LRRC4C: variants seen among roughly 807,000 people sequenced by gnomAD.
LRRC4C encodes leucine rich repeat containing 4C.
In LRRC4C, 5 loss-of-function variants were observed where a neutral mutation model predicts 33.6. The observed-to-expected ratio is 0.15, with a 90% CI of 0.08 to 0.31. The LOEUF is 0.31. Among genes scored for constraint, LRRC4C ranks in the 10% least tolerant of loss-of-function variants. The pLI is 1.00. For missense variants in LRRC4C, 560 were observed against 796.7 expected, an observed-to-expected ratio of 0.70 and a Z score of 3.58; for synonymous variants, 329 against 302.0, an observed-to-expected ratio of 1.09 and a Z score of -0.93.
intron 3 of LRRC4C, among the ~76,000 whole-genome samples, chr11:40,377,384 G>A (rs962035898): frequency 2.0e-5 from 3 of 152,120 alleles, no homozygotes; most frequent in Admixed American, 2.0e-4. Flanking sequence ...TTTCTGAGCT[G>A]TTGATTAATT....
chr11:41,391,264 C>G (rs1231632254), intron 1 of LRRC4C, among the ~76,000 whole-genome samples: 2 of 151,372 alleles, frequency 1.3e-5, no homozygotes, highest in Non-Finnish European at 2.9e-5. Flanking sequence ...ATACACAACT[C>G]AAGAAGAAAA....
At chr11:40,893,478 T>C (rs1261173028) in intron 2 of LRRC4C, among the ~76,000 whole-genome samples, 1 of 152,104 alleles carries the variant, frequency 6.6e-6, no homozygotes, top group Non-Finnish European at 1.5e-5. Context: ...TGTATCAAAA[T>C]ATCTCATGTA....
At chr11:40,170,374 C>G (rs770048141) in intron 5 of LRRC4C, among the ~76,000 whole-genome samples, 1 of 152,108 alleles carries the variant, frequency 6.6e-6, no homozygotes, top group Admixed American at 6.5e-5. Flanking sequence ...AGGGCTCACT[C>G]GGTGAAAACA....
chr11:41,209,274 A>T (rs553231931), intron 1 of LRRC4C, among the ~76,000 whole-genome samples: 1 of 150,872 alleles, frequency 6.6e-6, no homozygotes, highest in East Asian at 1.9e-4. Context: ...ATTTGTAAAG[A>T]TCAAATGAAA....
chr11:41,437,411 ACGCGCG>A (rs781578463), intron 1 of LRRC4C, among the ~76,000 whole-genome samples: 2 of 147,838 alleles, frequency 1.4e-5, no homozygotes, highest in African/African-American at 5.0e-5. Flanking sequence ...ACACACACAA[ACGCGCG>A]CGCGCGCGCA....
At chr11:40,675,290 G>T (rs947038185) in intron 2 of LRRC4C, among the ~76,000 whole-genome samples, 1 of 151,912 alleles carries the variant, frequency 6.6e-6, no homozygotes, top group Non-Finnish European at 1.5e-5. Flanking sequence ...CAAAAGAAAA[G>T]AATTTGAAAC....
intron 1 of LRRC4C, among the ~76,000 whole-genome samples, chr11:40,990,741 T>A (rs1453799030): frequency 1.3e-5 from 2 of 152,206 alleles, no homozygotes; most frequent in Non-Finnish European, 2.9e-5. Flanking sequence ...GCAGTCTCTG[T>A]ATTTCAAATA....
intron 6 of LRRC4C, among the ~76,000 whole-genome samples, chr11:40,117,977 A>G (rs914699836): frequency 2.0e-5 from 3 of 150,420 alleles, no homozygotes; most frequent in African/African-American, 7.3e-5. Flanking sequence ...TATGATAGAT[A>G]TGGTTATTAT....
At chr11:40,413,604 G>A (rs987567736) in intron 3 of LRRC4C, among the ~76,000 whole-genome samples, 2 of 152,014 alleles carry the variant, frequency 1.3e-5, no homozygotes, top group African/African-American at 4.8e-5. Flanking sequence ...AATTATGTGT[G>A]GAATATCAGC....
At chr11:41,200,511 A>T (rs570755763) in intron 1 of LRRC4C, among the ~76,000 whole-genome samples, 1 of 151,912 alleles carries the variant, frequency 6.6e-6, no homozygotes, top group South Asian at 2.1e-4. Flanking sequence ...TTTCTTTGGC[A>T]TCCTTTTTTT....
At chr11:40,311,148 G>A (rs1945284671) in intron 4 of LRRC4C, among the ~76,000 whole-genome samples, 1 of 152,070 alleles carries the variant, frequency 6.6e-6, no homozygotes, top group Non-Finnish European at 1.5e-5. Context: ...TGTGATCAAG[G>A]CGGAAGCCAC....
chr11:40,389,121 T>C (rs907436564), intron 3 of LRRC4C, among the ~76,000 whole-genome samples: 15 of 152,268 alleles, frequency 9.9e-5, no homozygotes, highest in African/African-American at 3.4e-4. Context: ...ATTTATTATT[T>C]AGTAAACCAA....
At chr11:40,885,899 C>A (rs1190950787) in intron 2 of LRRC4C, among the ~76,000 whole-genome samples, 1 of 152,088 alleles carries the variant, frequency 6.6e-6, no homozygotes, top group Admixed American at 6.6e-5. Flanking sequence ...CTCTAAGGAT[C>A]CCCTTATATT....
chr11:40,116,353 A>G lies in LRRC4C; in HGVS notation c.-42-19T>C. The G allele has an allele frequency of 1.3e-6, 2 of 1,518,274 alleles. No individual in the cohort carries two copies. The highest frequency in any genetic ancestry group is 1.8e-6 in the Non-Finnish European group (2 of 1,134,752). 94.1% of individuals were successfully genotyped at this position (1,518,274 alleles called of 1,614,324 possible). A position where few individuals can be genotyped will look rare whatever the true frequency, so the allele number is the denominator to read the frequency against. ...AAACAGTCTGCAAAATACAAGCAAA[A>G]AAAACCAATTATTAGATTAGATTTA... is the stretch of plus-strand genomic sequence containing the variant. On this transcript the variant is annotated intron_variant, in intron 6 of 6. Coordinates refer to ENST00000528697, the MANE Select transcript of LRRC4C (RefSeq NM_001258419.2).
intron 1 of LRRC4C, among the ~76,000 whole-genome samples, chr11:41,445,398 C>A (rs902336603): frequency 2.0e-5 from 3 of 152,112 alleles, no homozygotes; most frequent in Non-Finnish European, 2.9e-5. Flanking sequence ...CTGAGGCAAC[C>A]TGAATGCCCC....
intron 2 of LRRC4C, among the ~76,000 whole-genome samples, chr11:40,662,274 T>C (rs954212483): frequency 1.3e-5 from 2 of 152,140 alleles, no homozygotes; most frequent in African/African-American, 4.8e-5. Context: ...TATTCATTCT[T>C]ACCCCTGTTA....
intron 2 of LRRC4C, among the ~76,000 whole-genome samples, chr11:40,915,502 G>T (rs1237964525): frequency 6.6e-6 from 1 of 152,138 alleles, no homozygotes; most frequent in Admixed American, 6.6e-5. Flanking sequence ...TATGTAGAAA[G>T]CTGAAACTGG....
At chr11:40,477,253 T>C (rs895445716) in intron 3 of LRRC4C, among the ~76,000 whole-genome samples, 7 of 152,052 alleles carry the variant, frequency 4.6e-5, no homozygotes, top group Non-Finnish European at 8.8e-5. Flanking sequence ...AAAGGAAGAG[T>C]GCCACCCACT....
chr11:40,458,888 T>C (rs931454466), intron 3 of LRRC4C, among the ~76,000 whole-genome samples: 9 of 152,300 alleles, frequency 5.9e-5, no homozygotes, highest in Admixed American at 5.9e-4. Flanking sequence ...TACTACAATA[T>C]GTCTTGCTAA....
Sources: allele counts gnomAD v4.1 joint callset (sites outside exome capture counted in the v4.1 genomes callset), GRCh38; gene constraint gnomAD v4.1.1; transcripts MANE v1.5; gene names NCBI Gene and HGNC (gene_info 2026-07-23, HGNC 2026-07-21).